Variants in CFAP299 observed in about 807,000 individuals in gnomAD.
CFAP299 encodes cilia and flagella associated protein 299, also known as cilia- and flagella-associated protein 299.
CFAP299 carries 21 observed loss-of-function variants against 27.0 expected under a neutral mutation model. The ratio of observed to expected loss-of-function variants is 0.78; its 90% CI spans 0.55 to 1.12. The LOEUF (loss-of-function observed/expected upper bound fraction) is 1.12. CFAP299 is among the 50% of genes most tolerant of loss of function. The pLI is 0.00. For synonymous variants in CFAP299, 104 were observed against 98.1 expected (o/e 1.06, Z -0.36); for missense variants, 310 against 276.6 (o/e 1.12, Z -0.86).
intron 3 of CFAP299, among the ~76,000 whole-genome samples, chr4:80,801,381 G>T (rs1186795928): frequency 1.3e-5 from 2 of 151,740 alleles, no homozygotes; most frequent in Non-Finnish European, 2.9e-5. Context: ...CAATAAAATG[G>T]GTATCTTTTG....
intron 3 of CFAP299, among the ~76,000 whole-genome samples, chr4:80,758,741 A>T (rs181205169): frequency 8.8e-4 from 134 of 152,218 alleles, no homozygotes; most frequent in African/African-American, 3.1e-3. Flanking sequence ...CCCTTCCTAA[A>T]ATGTTTGTTC....
intron 3 of CFAP299, among the ~76,000 whole-genome samples, chr4:80,626,166 A>G (rs552219848): frequency 2.0e-4 from 30 of 152,110 alleles, no homozygotes; most frequent in African/African-American, 7.2e-4. Context: ...TAACAAATTT[A>G]TGAAGGTTGA....
At chr4:80,962,689 A>G (rs1738404379) in intron 5 of CFAP299, among the ~76,000 whole-genome samples, 1 of 151,986 alleles carries the variant, frequency 6.6e-6, no homozygotes, top group Admixed American at 6.6e-5. Flanking sequence ...GGAAAAGGCA[A>G]TACCAAAACT....
At chr4:80,579,619 T>G (rs1736066198) in intron 2 of CFAP299, among the ~76,000 whole-genome samples, 1 of 152,158 alleles carries the variant, frequency 6.6e-6, no homozygotes, top group Non-Finnish European at 1.5e-5. Flanking sequence ...AAATCTATTT[T>G]TCTGGCATTT....
intron 2 of CFAP299, among the ~76,000 whole-genome samples, chr4:80,546,624 A>C (rs1272336043): frequency 6.6e-6 from 1 of 152,174 alleles, no homozygotes; most frequent in Admixed American, 6.6e-5. Flanking sequence ...GGGCAAATCC[A>C]TCATGGCTCA....
intron 2 of CFAP299, among the ~76,000 whole-genome samples, chr4:80,393,910 A>G (rs1484535914): frequency 6.6e-6 from 1 of 152,092 alleles, no homozygotes; most frequent in Non-Finnish European, 1.5e-5. Context: ...ATTGATCTTG[A>G]CACGTGATCC....
intron 3 of CFAP299, among the ~76,000 whole-genome samples, chr4:80,659,858 G>A (rs1263098360): frequency 6.6e-6 from 1 of 152,044 alleles, no homozygotes; most frequent in Non-Finnish European, 1.5e-5. Context: ...CTGTATAGAA[G>A]AATTCAAGCT....
At chr4:80,498,634 TA>T (rs1731579632) in intron 2 of CFAP299, among the ~76,000 whole-genome samples, 2 of 152,100 alleles carry the variant, frequency 1.3e-5, no homozygotes, top group South Asian at 4.1e-4. Flanking sequence ...AACATTTACA[TA>T]CCACTAGTGG....
chr4:80,691,819 T>G (rs1008822821), intron 3 of CFAP299, among the ~76,000 whole-genome samples: 2 of 152,188 alleles, frequency 1.3e-5, no homozygotes, highest in Admixed American at 1.3e-4. Flanking sequence ...CAAAATCTCT[T>G]TAAGCTGATA....
rs573795834 is a variant in CFAP299 at position 80,668,607 on chromosome 4, C to T, written c.333+85424C>T. On this transcript the variant is annotated intron_variant, in intron 3 of 5. Transcript: ENST00000358105. ...GGAAACTTTGTTGAAAATGAGTTGG[C>T]TGTAAATATGTGGATTTATTTCTGG... 1.4e-4 allele frequency among the ~76,000 whole-genome samples: 22 copies of T among 152,198 alleles called. 1 individual carries two copies. Among genetic ancestry groups the T allele is most frequent in the African/African-American group, 5.3e-4 (22 of 41,540 alleles).
At chr4:80,572,515 T>TTTTTTTTTTTTTTTTG (rs1735636008) in intron 2 of CFAP299, among the ~76,000 whole-genome samples, 2 of 117,424 alleles carry the variant, frequency 1.7e-5, no homozygotes, top group Non-Finnish European at 3.7e-5. Flanking sequence ...CAGTTTTTTT[T>TTTTTTTTTTTTTTTTG]TTTTTTTTTT....
intron 2 of CFAP299, among the ~76,000 whole-genome samples, chr4:80,555,939 A>G (rs1734758828): frequency 6.6e-6 from 1 of 152,094 alleles, no homozygotes. Context: ...TTCTTTTTAC[A>G]AAAGTATACT....
intron 3 of CFAP299, among the ~76,000 whole-genome samples, chr4:80,808,887 C>T (rs1729000535): frequency 6.6e-6 from 1 of 152,180 alleles, no homozygotes; most frequent in Non-Finnish European, 1.5e-5. Context: ...TAACCACTGA[C>T]TTATGCCTCA....
chr4:80,322,406 A>G, the CFAP299 span, among the ~76,000 whole-genome samples: 1 of 152,086 alleles, frequency 6.6e-6, no homozygotes. Context: ...ACTTTCCTGT[A>G]TGTGTCTTCT....
intron 3 of CFAP299, among the ~76,000 whole-genome samples, chr4:80,710,879 C>T (rs1011004740): frequency 3.3e-5 from 5 of 152,152 alleles, no homozygotes; most frequent in African/African-American, 4.8e-5. Context: ...ATCTCTAAGC[C>T]TTAAAACAAC....
intron 3 of CFAP299, among the ~76,000 whole-genome samples, chr4:80,643,651 A>G (rs994303589): frequency 1.3e-5 from 2 of 152,148 alleles, no homozygotes; most frequent in South Asian, 2.1e-4. Flanking sequence ...TTCATCCTAT[A>G]TGATAAGGGG....
At chr4:80,436,141 C>T (rs1370902973) in intron 2 of CFAP299, among the ~76,000 whole-genome samples, 3 of 152,094 alleles carry the variant, frequency 2.0e-5, no homozygotes, top group African/African-American at 7.2e-5. Context: ...TTTCCATTCT[C>T]TCCTGCTTTC....
At chr4:80,835,079 C>T (rs1730490049) in intron 3 of CFAP299, among the ~76,000 whole-genome samples, 1 of 152,160 alleles carries the variant, frequency 6.6e-6, no homozygotes, top group African/African-American at 2.4e-5. Flanking sequence ...GAGAATGTCA[C>T]TTTCAAATAT....
chr4:80,853,480 G>A (rs1477378803), intron 3 of CFAP299, among the ~76,000 whole-genome samples: 2 of 152,330 alleles, frequency 1.3e-5, no homozygotes, highest in African/African-American at 4.8e-5. Flanking sequence ...ATTTCTAGAG[G>A]AGTGAAATTT....
Sources: gnomAD v4.1 joint callset for allele counts (sites outside exome capture counted in the v4.1 genomes callset) on GRCh38, gnomAD v4.1.1 for gene constraint, MANE v1.5 for transcripts, NCBI Gene and HGNC (gene_info 2026-07-23, HGNC 2026-07-21) for gene names.